Variants in IGF2R observed in about 807,000 individuals in gnomAD.
The protein encoded by IGF2R is insulin like growth factor 2 receptor.
In IGF2R, 91 loss-of-function variants were observed where a neutral mutation model predicts 270.6. The ratio of observed to expected loss-of-function variants is 0.34; its 90% CI spans 0.28 to 0.40. The LOEUF is 0.40. Among genes scored for constraint, IGF2R ranks in the 10% least tolerant of loss-of-function variants. The pLI is 1.00. For missense variants in IGF2R, 2,805 were observed against 3,188.3 expected (o/e 0.88, Z 2.90); for synonymous variants, 1,316 against 1,258.9 (o/e 1.05, Z -0.96).
At chr6:160,065,814 G>GTGTATATA in intron 29 of IGF2R, among the ~76,000 whole-genome samples, 111 of 78,344 alleles carry the variant, frequency 1.4e-3, no homozygotes, top group Middle Eastern at 6.3e-3. Context: ...GTGTGTGTGT[G>GTGTATATA]TATATATATA....
At chr6:160,086,955 T>C (rs1243467735) in intron 41 of IGF2R, among the ~76,000 whole-genome samples, 1 of 151,790 alleles carries the variant, frequency 6.6e-6, no homozygotes, top group Non-Finnish European at 1.5e-5. Context: ...CATCTGTCCA[T>C]GCAGCCAGGC....
rs114454906 is a variant in IGF2R, at chr6:159,988,024, C to T, written c.150-3160C>T. ...TTACATTTGATAAATCTTGACAAAA[C>T]AAGTATGAAATCCAAGTAGAGAAAA... On this transcript the variant is annotated intron_variant, in intron 1 of 47. Transcript: ENST00000356956. Among the ~76,000 whole-genome samples the T allele has an allele frequency of 1.4e-3, 215 of 152,300 alleles. 2 individuals carry two copies. Among genetic ancestry groups the T allele is most frequent in the African/African-American group, 5.1e-3 (210 of 41,562 alleles).
chr6:160,053,382 G>A (rs1778241118), intron 19 of IGF2R, among the ~76,000 whole-genome samples: 1 of 151,992 alleles, frequency 6.6e-6, no homozygotes, highest in African/African-American at 2.4e-5. Context: ...CCTGCATGTT[G>A]TGCACATGTA....
rs889198912 is a variant in IGF2R, at chr6:160,009,810, A to G, written c.414+676A>G. 5.9e-5 allele frequency among the ~76,000 whole-genome samples: 9 copies of G among 152,348 alleles called. No individual in the cohort carries two copies. The East Asian group carries it at 1.7e-3, about 29-fold the overall frequency. On this transcript the variant is annotated intron_variant, in intron 3 of 47. Transcript: ENST00000356956. ...TAAGAACCCAATCTTTAGGAAAGTC[A>G]GGTTGAGTGAAACTCTGTGGCTACT...
chr6:159,974,014 C>T (rs1783651399), intron 1 of IGF2R, among the ~76,000 whole-genome samples: 1 of 152,138 alleles, frequency 6.6e-6, no homozygotes, highest in Non-Finnish European at 1.5e-5. Flanking sequence ...TGTAACTGGT[C>T]ATGAATGGTG....
rs770703028 is a variant in IGF2R at position 160,058,032 on chromosome 6, A to G, written c.2806A>G (p.Ile936Val). 6.8e-6 allele frequency: 11 copies of G among 1,611,080 alleles called. No individual in the cohort carries two copies. In the South Asian group the frequency reaches 7.7e-5, roughly 11 times the overall value. The change falls in exon 21 of 48, where the codon ATA becomes GTA. Residue 936 changes from isoleucine (I) to valine (V), a missense_variant. Physicochemically the swap from Ile to Val is conservative, Grantham distance 29 (BLOSUM62 3). Around this residue, in one of 2 missense-constraint regions of IGF2R, gnomAD observed 1,851 missense variants for 2,207.2 expected, o/e 0.84. Transcript: ENST00000356956. Reference protein sequence around the residue: ...TTTDTDQACSIRDPNSGFVFN... With the variant: ...TTTDTDQACSVRDPNSGFVFN... ...ATTTTGTTTCCTGTAGGCTTGCTCT[A>G]TAAGGGATCCCAACAGTGGATTTGT...
chr6:160,072,229 TGGA>T (rs1778757394), intron 32 of IGF2R, among the ~76,000 whole-genome samples, 193 bp downstream of exon 32: 1 of 152,026 alleles, frequency 6.6e-6, no homozygotes, highest in Admixed American at 6.6e-5. Context: ...TCTCCTTCAG[TGGA>T]GGAGAGAATG....
chr6:159,984,737 C>T (rs1053039233), intron 1 of IGF2R, among the ~76,000 whole-genome samples: 6 of 152,136 alleles, frequency 3.9e-5, no homozygotes, highest in East Asian at 1.9e-4. Flanking sequence ...TTTCTGATGA[C>T]GTATCGCCAT....
Position 159,969,117 on chromosome 6 carries a change from G to C in IGF2R, c.-130G>C. 4.6e-6 allele frequency: 2 copies of C among 437,220 alleles called. No individual in the cohort carries two copies. Among genetic ancestry groups the C allele is most frequent in the Non-Finnish European group, 6.1e-6 (2 of 329,884 alleles). The allele number at this position is 437,220 out of a possible 1,614,324, so 27.1% of individuals were successfully genotyped here. On this transcript the variant is annotated 5_prime_UTR_variant, in exon 1 of 48. Coordinates refer to ENST00000356956, the MANE Select transcript of IGF2R (RefSeq NM_000876.4). ...CTGTCGCCGAGCCCAGTCGAGCCGC[G>C]CTCACCTCGGGCTCCCGCTCCGTCT...
intron 4 of IGF2R, among the ~76,000 whole-genome samples, chr6:160,012,158 T>C (rs1784344341): frequency 6.6e-6 from 1 of 151,768 alleles, no homozygotes; most frequent in Non-Finnish European, 1.5e-5. Context: ...AAAAAAAGTT[T>C]AAAGTGGAAA....
In IGF2R at chr6:160,061,853, CATGT is replaced by C; in HGVS notation, c.3512_3515del (p.Tyr1171SerfsTer58). 6.2e-7 allele frequency: 1 copy of C among 1,614,168 alleles called. No homozygotes were observed. On this transcript the variant is annotated frameshift_variant, in exon 25 of 48. Transcript: ENST00000356956. LOFTEE classifies it high-confidence loss of function. ...CCGCGGCGAATGGATCTTTGAGCAT[CATGT>C]ATGTCAACGGTGACAAGTGTGGGAA...
At chr6:160,048,229 A>G (rs1040650080) in intron 17 of IGF2R, 146 bp from the exon 18 acceptor site, 2 of 766,044 alleles carry the variant, frequency 2.6e-6, no homozygotes, top group African/African-American at 3.5e-5. Flanking sequence ...CTGGTGCGTC[A>G]TGCGCCCAGA....
At chr6:160,091,505 G>T (rs1170242964) in intron 44 of IGF2R, among the ~76,000 whole-genome samples, 2 of 152,224 alleles carry the variant, frequency 1.3e-5, no homozygotes, top group Non-Finnish European at 2.9e-5. Context: ...GCGCCCTGGT[G>T]CATCTGCTCA....
At chr6:159,975,131 A>C (rs1175429326) in intron 1 of IGF2R, among the ~76,000 whole-genome samples, 1 of 151,710 alleles carries the variant, frequency 6.6e-6, no homozygotes, top group Admixed American at 6.6e-5. Flanking sequence ...ACCGCTCCCC[A>C]CCCCACACCA....
chr6:160,097,586 T>C (rs1373171756), intron 45 of IGF2R, among the ~76,000 whole-genome samples: 6 of 152,230 alleles, frequency 3.9e-5, no homozygotes, highest in African/African-American at 7.2e-5. Flanking sequence ...TGCCTTGGCC[T>C]CCCAAAGTGC....
chr6:159,977,063 G>A (rs1308519820), intron 1 of IGF2R, among the ~76,000 whole-genome samples: 1 of 152,200 alleles, frequency 6.6e-6, no homozygotes, highest in African/African-American at 2.4e-5. Flanking sequence ...TGGTTCAGAT[G>A]TTCTTCTGCT....
rs752924989 is a variant in IGF2R, at chr6:160,009,168, A to T, written c.414+34A>T. On this transcript the variant is annotated intron_variant, in intron 3 of 47. Transcript: ENST00000356956. ...ACACAGGCACTTGATGTATTTCTTT[A>T]AAAAAAAAAAGGTCTGCCCCTTGGT... The T allele has an allele frequency of 3.4e-5, 28 of 812,004 alleles. No homozygotes were observed. In the South Asian group the frequency reaches 5.2e-4, roughly 15 times the overall value. 50.3% of individuals were successfully genotyped at this position (812,004 alleles called of 1,614,324 possible). A position where few individuals can be genotyped will look rare whatever the true frequency, so the allele number is the denominator to read the frequency against.
At chr6:160,077,391 A>C (rs1430583313) in intron 36 of IGF2R, among the ~76,000 whole-genome samples, 1 of 152,218 alleles carries the variant, frequency 6.6e-6, no homozygotes, top group Non-Finnish European at 1.5e-5. Context: ...GACCCACCTC[A>C]TCATGAGTGA....
At chr6:160,042,588 T>C (rs1443971507) in intron 11 of IGF2R, among the ~76,000 whole-genome samples, 1 of 152,214 alleles carries the variant, frequency 6.6e-6, no homozygotes, top group African/African-American at 2.4e-5. Context: ...CTGATCACAC[T>C]GACCAGCTCA....
Sources: gnomAD v4.1 joint callset for allele counts (sites outside exome capture counted in the v4.1 genomes callset) on GRCh38, gnomAD v4.1.1 for gene constraint, gnomAD v4.1.1 regional missense constraint, MANE v1.5 for transcripts, NCBI Gene and HGNC (gene_info 2026-07-23, HGNC 2026-07-21) for gene names.